Variants in ZNF595 observed in about 807,000 individuals in gnomAD.
The protein encoded by ZNF595 is zinc finger protein 595.
In ZNF595, 9 loss-of-function variants were observed where a neutral mutation model predicts 19.4. That is an observed-to-expected ratio of 0.46 (90% CI 0.28 to 0.81). The LOEUF (loss-of-function observed/expected upper bound fraction) is 0.81, where lower values mean the gene tolerates loss of function less well. Ranked by LOEUF, ZNF595 falls within the 30% of genes least tolerant of loss-of-function variation. The pLI is 0.11. For synonymous variants in ZNF595, 255 were observed against 255.9 expected, an observed-to-expected ratio of 1.00 and a Z score of 0.03; for missense variants, 729 against 736.0, an observed-to-expected ratio of 0.99 and a Z score of 0.11.
intron 3 of ZNF595, among the ~76,000 whole-genome samples, chr4:69,374 G>GT: frequency 6.6e-6 from 1 of 152,202 alleles, no homozygotes; most frequent in Non-Finnish European, 1.5e-5. Flanking sequence ...GAATGCTAGA[G>GT]TTTTTTTCCC....
chr4:71,364 C>T (rs1235330171), intron 3 of ZNF595, among the ~76,000 whole-genome samples: 2 of 152,092 alleles, frequency 1.3e-5, no homozygotes, highest in Admixed American at 1.3e-4. Context: ...AATACTATGT[C>T]GAATAACAGT....
intron 3 of ZNF595, among the ~76,000 whole-genome samples, chr4:70,769 T>C (rs1287687521): frequency 6.6e-6 from 1 of 152,242 alleles, no homozygotes; most frequent in African/African-American, 2.4e-5. Context: ...TAGAATCATT[T>C]ATAGTTAAAT....
chr4:78,110 G>A (rs371257214), intron 3 of ZNF595, among the ~76,000 whole-genome samples: 2 of 152,106 alleles, frequency 1.3e-5, no homozygotes, highest in Non-Finnish European at 2.9e-5. Flanking sequence ...CCTGGTTCAC[G>A]CCATTCTCCT....
chr4:70,688 T>C lies in ZNF595; in HGVS notation c.226+10535T>C, dbSNP rs187318612. ...CAAAAATAAGTTTGCTGTAGATGTA[T>C]GGGTTTATATCTGTGTTCTCTCTAC... is the stretch of plus-strand genomic sequence containing the variant. On this transcript the variant is annotated intron_variant, in intron 3 of 3. Transcript: ENST00000610261. Among the ~76,000 whole-genome samples, 140 of 152,328 alleles carry C rather than the reference T, an allele frequency of 9.2e-4. 2 individuals are homozygous for C. Among genetic ancestry groups the C allele is most frequent in the African/African-American group, 3.2e-3 (133 of 41,586 alleles).
Position 85,677 on chromosome 4 carries a change from T to C in ZNF595, c.227-54T>C, listed in dbSNP as rs573040303. On this transcript the variant is annotated intron_variant, in intron 3 of 3. Coordinates refer to ENST00000610261, the MANE Select transcript of ZNF595 (RefSeq NM_182524.4). The stretch of plus-strand genomic sequence containing the variant: ...CATTTTCGATATTACATTCGTAAAG[T>C]ATATTCATATGAATCTAGTAAGTGG... 1.7e-4 allele frequency: 254 copies of C among 1,496,830 alleles called. 2 individuals are homozygous for C. The South Asian group carries it at 2.7e-3, about 16-fold the overall frequency. 92.7% of individuals were successfully genotyped at this position (1,496,830 alleles called of 1,614,324 possible).
chr4:66,307 CTT>C (rs1713102372), intron 3 of ZNF595, among the ~76,000 whole-genome samples: 1 of 150,704 alleles, frequency 6.6e-6, no homozygotes, highest in African/African-American at 2.4e-5. Flanking sequence ...ATTTTCATCT[CTT>C]GTCTATTAGT....
chr4:73,613 T>C (rs782528181), intron 3 of ZNF595, among the ~76,000 whole-genome samples: 54 of 152,202 alleles, frequency 3.5e-4, no homozygotes, highest in Non-Finnish European at 6.5e-4. Context: ...GAGACCATAG[T>C]TATAACTACC....
chr4:74,920 C>T (rs926575366), intron 3 of ZNF595, among the ~76,000 whole-genome samples: 1 of 152,080 alleles, frequency 6.6e-6, no homozygotes, highest in African/African-American at 2.4e-5. Flanking sequence ...TTTCCTTTTA[C>T]AATATATTTA....
At chr4:83,619 C>CAAAAAAAAAAAAAAAAAAAAAAAAAAAAA (rs71164492) in intron 3 of ZNF595, among the ~76,000 whole-genome samples, 1 of 38,596 alleles carries the variant, frequency 2.6e-5, no homozygotes, top group African/African-American at 5.7e-5. Context: ...GACTCCGTCT[C>CAAAAAAAAAAAAAAAAAAAAAAAAAAAAA]AAAAAAAAAA....
intron 3 of ZNF595, chr4:68,362 A>C (rs1435407675): frequency 6.6e-6 from 1 of 152,304 alleles, no homozygotes; most frequent in Non-Finnish European, 1.5e-5. Context: ...TAGAGTTGGG[A>C]GTTTCTCCTG....
At chr4:72,085 G>A (rs552796114) in intron 3 of ZNF595, among the ~76,000 whole-genome samples, 43 of 152,212 alleles carry the variant, frequency 2.8e-4, no homozygotes, top group African/African-American at 1.0e-3. Context: ...CACTCCCTGG[G>A]TTTGTCATCT....
At position 86,626 on chromosome 4, in the gene ZNF595, C is replaced by T. The variant is rs782564507; in HGVS notation, c.1122C>T (p.Gly374=). 5.6e-6 allele frequency: 9 copies of T among 1,613,588 alleles called. No individual in the cohort carries two copies. The highest frequency in any genetic ancestry group is 7.6e-6 in the Non-Finnish European group (9 of 1,179,800). Residue 374 remains glycine (G), a synonymous_variant, in exon 4 of 4, where the codon GGC becomes GGT. Transcript: ENST00000610261. ...EQKLYKCEEC[G]KAFTWSSSLN... Reference sequence around the variant, plus strand: ...AACTTTACAAATGTGAAGAATGTGGCAAAGCCTTTACTTGGTCCTCATCCC... The same window carrying T: ...AACTTTACAAATGTGAAGAATGTGGTAAAGCCTTTACTTGGTCCTCATCCC...
intron 3 of ZNF595, among the ~76,000 whole-genome samples, chr4:73,992 A>T (rs1373602835): frequency 1.3e-5 from 2 of 151,838 alleles, no homozygotes; most frequent in East Asian, 3.9e-4. Context: ...TGTTCAGCAA[A>T]CTCCATATAT....
At position 72,151 on chromosome 4, in the gene ZNF595, C is replaced by A. The variant is rs1389757924; in HGVS notation, c.226+11998C>A. On this transcript the variant is annotated intron_variant, in intron 3 of 3. Coordinates refer to ENST00000610261, the MANE Select transcript of ZNF595 (RefSeq NM_182524.4). ...ATTTTTATTAACTGCACAATGCATT[C>A]TATTTGTAGAGCTTGAAAAATAGAA... Among the ~76,000 whole-genome samples, 19 of 152,090 alleles carry A rather than the reference C, an allele frequency of 1.2e-4. 1 individual carries two copies. The highest frequency in any genetic ancestry group is 1.2e-3 in the Admixed American group (18 of 15,272).
At chr4:74,727 A>G (rs949274514) in intron 3 of ZNF595, among the ~76,000 whole-genome samples, 11 of 152,168 alleles carry the variant, frequency 7.2e-5, no homozygotes, top group African/African-American at 2.7e-4. Flanking sequence ...TCATAGGTAG[A>G]TAAGAGACAA....
chr4:84,995 C>G (rs1714073645), intron 3 of ZNF595, among the ~76,000 whole-genome samples: 2 of 152,124 alleles, frequency 1.3e-5, no homozygotes, highest in Non-Finnish European at 2.9e-5. Context: ...GTTATTTGAA[C>G]ATTAACAAAA....
chr4:66,576 A>C (rs1348529950), intron 3 of ZNF595, among the ~76,000 whole-genome samples: 2 of 150,218 alleles, frequency 1.3e-5, no homozygotes, highest in Non-Finnish European at 3.0e-5. Context: ...TATAATTATA[A>C]TTCTTACGTT....
chr4:75,718 T>C (rs538140817), intron 3 of ZNF595, among the ~76,000 whole-genome samples: 3 of 152,262 alleles, frequency 2.0e-5, no homozygotes, highest in Admixed American at 2.0e-4. Flanking sequence ...TGTCTTCCCT[T>C]GTGTTTTCTT....
chr4:85,228 T>C (rs1714082429), intron 3 of ZNF595, among the ~76,000 whole-genome samples: 1 of 152,226 alleles, frequency 6.6e-6, no homozygotes. Context: ...AGCCTGCTCC[T>C]GAAACATTTA....
Sources: allele counts gnomAD v4.1 joint callset (sites outside exome capture counted in the v4.1 genomes callset), GRCh38; gene constraint gnomAD v4.1.1; transcripts MANE v1.5; gene names NCBI Gene and HGNC (gene_info 2026-07-23, HGNC 2026-07-21).